SCN11A: variants seen among roughly 807,000 people sequenced by gnomAD.
SCN11A encodes the protein sodium channel protein type 11 subunit alpha.
A neutral mutation model predicts 162.2 loss-of-function variants in SCN11A; 122 were observed. The ratio of observed to expected loss-of-function variants is 0.75; its 90% CI spans 0.65 to 0.87. The LOEUF is 0.87. Ranked by LOEUF, SCN11A falls within the 40% of genes least tolerant of loss-of-function variation. The pLI, the probability that SCN11A is intolerant of heterozygous loss-of-function variation, is 0.00. For synonymous variants in SCN11A, 758 were observed against 751.5 expected, an observed-to-expected ratio of 1.01 and a Z score of -0.14; for missense variants, 2,015 against 2,181.6, an observed-to-expected ratio of 0.92 and a Z score of 1.52.
chr3:38,886,238 C>A lies in SCN11A; in HGVS notation c.2836G>T (p.Ala946Ser), dbSNP rs905431246. The change falls in exon 20 of 30, where the codon GCC becomes TCC. Residue 946 changes from alanine (A) to serine (S), a missense_variant and splice_region_variant. Physicochemically the swap from Ala to Ser is moderately conservative, Grantham distance 99 (BLOSUM62 1). Coordinates refer to ENST00000302328, the MANE Select transcript of SCN11A (RefSeq NM_001349253.2). ...TTGTTCTCCTGATGGAGCTCATAGG[C>A]CTAACACAGAGAGCCCAGAATAGAA... ...RITQPEPEQQAYELHQENKKP... is the reference protein window; with the variant it reads ...RITQPEPEQQSYELHQENKKP... The A allele has an allele frequency of 6.2e-7, 1 of 1,601,298 alleles. No homozygotes were observed. The highest frequency in any genetic ancestry group is 1.7e-5 in the Admixed American group (1 of 59,888).
rs1185602358 is a variant in SCN11A at position 38,926,682 on chromosome 3, A to G, written c.617+121T>C. On this transcript the variant is annotated intron_variant, in intron 8 of 29. Transcript: ENST00000302328. ...CAGGGCCAACCAACACAGCACTCAG[A>G]GCTCTAGGCATTACTAGGCCATACT... is the stretch of plus-strand genomic sequence containing the variant. 5.0e-6 allele frequency: 5 copies of G among 1,003,588 alleles called. No homozygotes were observed. The East Asian group carries it at 1.2e-4, about 25-fold the overall frequency. 62.2% of individuals were successfully genotyped at this position (1,003,588 alleles called of 1,614,324 possible).
chr3:38,850,135 T>C (rs1381920487), intron 29 of SCN11A: 2 of 203,908 alleles, frequency 9.8e-6, no homozygotes, highest in African/African-American at 4.7e-5. Context: ...GGCTTATAGT[T>C]GCACAGGAAA....
intron 26 of SCN11A, among the ~76,000 whole-genome samples, chr3:38,868,916 C>G (rs1203617702): frequency 6.6e-6 from 1 of 152,074 alleles, no homozygotes; most frequent in Non-Finnish European, 1.5e-5. Context: ...GAGTTGATAG[C>G]CATGGGCCTG....
Position 38,900,016 on chromosome 3 carries a change from AG to A in SCN11A, c.1899del (p.Tyr634ThrfsTer18). 6.2e-7 allele frequency: 1 copy of A among 1,614,164 alleles called. No individual in the cohort carries two copies. On this transcript the variant is annotated frameshift_variant, in exon 17 of 30. Transcript: ENST00000302328. LOFTEE classifies it high-confidence loss of function. Reference sequence around the variant, plus strand: ...TTCCAGCCTCGGCGAAAGTAGTGGTAGGGATCGAGCGCAATGATTTTTAGGC... The same window carrying A: ...TTCCAGCCTCGGCGAAAGTAGTGGTAGGATCGAGCGCAATGATTTTTAGGC... Reference protein sequence around the residue: ...EMCLKIIALDPYHYFRRGWNI... With the variant: ...EMCLKIIALDXYHYFRRGWNI...
At chr3:39,047,455 A>G (rs549533786) in intron 1 of SCN11A, among the ~76,000 whole-genome samples, 1 of 152,320 alleles carries the variant, frequency 6.6e-6, no homozygotes, top group South Asian at 2.1e-4. Context: ...ATGCTTCAGG[A>G]CATTGGCCTG....
At chr3:39,015,715 T>C (rs989684686) in intron 2 of SCN11A, among the ~76,000 whole-genome samples, 3 of 152,168 alleles carry the variant, frequency 2.0e-5, no homozygotes, top group Non-Finnish European at 4.4e-5. Flanking sequence ...CACTGGATTG[T>C]TTTGGTCATC....
chr3:38,869,659 A>G (rs956322079), intron 26 of SCN11A, among the ~76,000 whole-genome samples: 1 of 152,182 alleles, frequency 6.6e-6, no homozygotes, highest in Non-Finnish European at 1.5e-5. Context: ...GTGCTGCTAT[A>G]ACACTAATCA....
intron 2 of SCN11A, among the ~76,000 whole-genome samples, chr3:39,021,677 T>C (rs2031456940): frequency 6.6e-6 from 1 of 152,122 alleles, no homozygotes; most frequent in Admixed American, 6.5e-5. Context: ...GGATGGTTCT[T>C]TGCAATGGGC....
At chr3:38,848,482 G>A (rs1232451987) in intron 29 of SCN11A, among the ~76,000 whole-genome samples, 1 of 152,108 alleles carries the variant, frequency 6.6e-6, no homozygotes, top group Non-Finnish European at 1.5e-5. Flanking sequence ...GGGTTCATGG[G>A]CAGCAGAATG....
intron 19 of SCN11A, among the ~76,000 whole-genome samples, chr3:38,887,095 G>T (rs1272655922): frequency 6.6e-6 from 1 of 152,038 alleles, no homozygotes; most frequent in African/African-American, 2.4e-5. Context: ...TTACCTAAAT[G>T]CTTTTTAAGT....
chr3:39,006,257 T>C (rs2030971313), intron 2 of SCN11A, among the ~76,000 whole-genome samples: 1 of 152,260 alleles, frequency 6.6e-6, no homozygotes, highest in Admixed American at 6.5e-5. Context: ...GTATTGTGTT[T>C]ATCAACATAT....
intron 2 of SCN11A, among the ~76,000 whole-genome samples, chr3:39,008,578 G>A (rs967875405): frequency 2.0e-5 from 3 of 152,164 alleles, no homozygotes; most frequent in African/African-American, 7.2e-5. Flanking sequence ...TAAATTATTA[G>A]AACATCCAAT....
At chr3:38,907,557 G>A (rs928998494) in intron 14 of SCN11A, among the ~76,000 whole-genome samples, 1 of 151,772 alleles carries the variant, frequency 6.6e-6, no homozygotes, top group Non-Finnish European at 1.5e-5. Flanking sequence ...GCATTGTAAT[G>A]TCTTTGGGTT....
chr3:39,039,873 C>T (rs1360154842), intron 1 of SCN11A, among the ~76,000 whole-genome samples: 3 of 152,210 alleles, frequency 2.0e-5, no homozygotes. Flanking sequence ...GACCTGCCCA[C>T]TTAGCACCCA....
chr3:38,866,739 A>G (rs908020678), intron 27 of SCN11A, among the ~76,000 whole-genome samples: 3 of 152,064 alleles, frequency 2.0e-5, no homozygotes, highest in Non-Finnish European at 2.9e-5. Flanking sequence ...TTTTATCTTG[A>G]TTTTCCACAT....
intron 7 of SCN11A, among the ~76,000 whole-genome samples, chr3:38,933,426 G>A (rs1293365797): frequency 5.3e-5 from 8 of 152,274 alleles, no homozygotes; most frequent in South Asian, 2.1e-4. Context: ...AAACTACTCC[G>A]AGCTACAGGA....
chr3:39,011,935 A>G (rs1351896137), intron 2 of SCN11A, among the ~76,000 whole-genome samples: 1 of 152,254 alleles, frequency 6.6e-6, no homozygotes, highest in Non-Finnish European at 1.5e-5. Flanking sequence ...ACTGATCTGG[A>G]CAAGGAAACT....
At chr3:38,973,410 AC>A (rs1478209922) in intron 2 of SCN11A, among the ~76,000 whole-genome samples, 2 of 151,612 alleles carry the variant, frequency 1.3e-5, no homozygotes, top group Non-Finnish European at 2.9e-5. Context: ...AGATACACAC[AC>A]ACACACACAC....
rs1026922528 is a variant in SCN11A at position 38,947,985 on chromosome 3, C to T, written c.268-1078G>A. On this transcript the variant is annotated intron_variant, in intron 5 of 29. Transcript: ENST00000302328. Reference sequence around the variant, plus strand: ...AGGCCCAACGTTAGCACTGTGAGTGCTACCTTGGCTCAGGTGCCAGAACGT... The same window carrying T: ...AGGCCCAACGTTAGCACTGTGAGTGTTACCTTGGCTCAGGTGCCAGAACGT... 8.5e-5 allele frequency among the ~76,000 whole-genome samples: 13 copies of T among 152,362 alleles called. No individual in the cohort carries two copies. In the South Asian group the frequency reaches 1.0e-3, roughly 12 times the overall value.
Sources: allele counts gnomAD v4.1 joint callset (sites outside exome capture counted in the v4.1 genomes callset), GRCh38; gene constraint gnomAD v4.1.1; transcripts MANE v1.5; gene names NCBI Gene and HGNC (gene_info 2026-07-23, HGNC 2026-07-21).